The following CFAP92 variants were observed in gnomAD, a reference collection of about 807,000 sequenced individuals.
The protein encoded by CFAP92 is uncharacterized protein CFAP92.
A neutral mutation model predicts 106.3 loss-of-function variants in CFAP92; 86 were observed. The observed-to-expected ratio is 0.81, with a 90% confidence interval of 0.68 to 0.97. The LOEUF (loss-of-function observed/expected upper bound fraction) is 0.97. Among genes scored for constraint, CFAP92 ranks in the 50% least tolerant of loss-of-function variants. The pLI, the probability that CFAP92 is intolerant of heterozygous loss-of-function variation, is 0.00. For synonymous variants in CFAP92, 477 were observed against 506.4 expected, an observed-to-expected ratio of 0.94 and a Z score of 0.78; for missense variants, 1,204 against 1,283.8, an observed-to-expected ratio of 0.94 and a Z score of 0.95.
intron 1 of CFAP92, among the ~76,000 whole-genome samples, chr3:128,999,822 C>T (rs1021167717): frequency 7.9e-5 from 12 of 152,080 alleles, no homozygotes; most frequent in Admixed American, 5.9e-4. Context: ...GGATTACAGG[C>T]GTGAGCCACC....
chr3:128,998,391 T>C (rs1944561512), upstream of CFAP92, among the ~76,000 whole-genome samples: 1 of 152,178 alleles, frequency 6.6e-6, no homozygotes, highest in African/African-American at 2.4e-5. Flanking sequence ...CTATTTTTAA[T>C]AGAAGTAAAG....
the CFAP92 span, among the ~76,000 whole-genome samples, chr3:129,008,498 G>C: frequency 1.3e-5 from 2 of 152,244 alleles, no homozygotes; most frequent in Non-Finnish European, 1.5e-5. Context: ...CCACCATCTT[G>C]ACCAGCAGCC....
chr3:128,932,730 C>A lies in CFAP92; in HGVS notation c.2721G>T (p.Lys907Asn). ...YLQWRSAMLMKNKDKKHSFIQ... is the reference protein window; with the variant it reads ...YLQWRSAMLMNNKDKKHSFIQ... ...TGAAACTGTGCTTTTTGTCTTTGTT[C>A]TTCATAAGCATGGCACTCCGCCACT... The change falls in exon 12 of 16, where the codon AAG becomes AAT. Residue 907 changes from lysine to asparagine, a missense_variant. By Grantham distance (94) the Lys-to-Asn change is moderately conservative. Coordinates refer to ENST00000645291, the MANE Select transcript of CFAP92 (RefSeq NM_001394090.1). 6.5e-7 allele frequency: 1 copy of A among 1,534,172 alleles called. No homozygotes were observed. Among genetic ancestry groups the A allele is most frequent in the South Asian group, 1.2e-5 (1 of 83,930 alleles).
intron 8 of CFAP92, chr3:128,966,783 G>C (rs1180452092): frequency 6.6e-6 from 1 of 152,132 alleles, no homozygotes; most frequent in Non-Finnish European, 1.5e-5. Flanking sequence ...TGTTAGCCAG[G>C]CTGTTCTCGA....
chr3:128,961,143 A>C (rs962491222), intron 9 of CFAP92, among the ~76,000 whole-genome samples: 2 of 152,226 alleles, frequency 1.3e-5, no homozygotes, highest in Non-Finnish European at 2.9e-5. Flanking sequence ...AGTTCCAAAT[A>C]GCCAGAAAAT....
At position 128,910,101 on chromosome 3, in the gene CFAP92, G is replaced by A. The variant is rs771433168; in HGVS notation, c.*198C>T. 9 of 1,613,696 alleles carry A rather than the reference G, an allele frequency of 5.6e-6. No homozygotes were observed. The highest frequency in any genetic ancestry group is 1.7e-5 in the Admixed American group (1 of 60,004). On this transcript the variant is annotated 3_prime_UTR_variant, in exon 16 of 16. Coordinates refer to ENST00000645291, the MANE Select transcript of CFAP92 (RefSeq NM_001394090.1). Reference sequence around the variant, plus strand: ...TGTATGGCATGACGGCCGTGCTGTCGCGGGCCAGCCGCTCCATCCGCATTG... The same window carrying A: ...TGTATGGCATGACGGCCGTGCTGTCACGGGCCAGCCGCTCCATCCGCATTG...
At chr3:128,944,345 C>A (rs1434440073) in intron 10 of CFAP92, among the ~76,000 whole-genome samples, 1 of 152,118 alleles carries the variant, frequency 6.6e-6, no homozygotes, top group African/African-American at 2.4e-5. Context: ...ACAAGGCCAG[C>A]TTCTCCCGGT....
At position 128,916,216 on chromosome 3, in the gene CFAP92, T is replaced by C. The variant is rs1441505990; in HGVS notation, c.2807A>G (p.Lys936Arg). 1 of 1,231,998 alleles carries C rather than the reference T, an allele frequency of 8.1e-7. No homozygotes were observed. Among genetic ancestry groups the C allele is most frequent in the Admixed American group, 4.2e-5 (1 of 23,682 alleles). 76.3% of individuals were successfully genotyped at this position (1,231,998 alleles called of 1,614,324 possible). A position where few individuals can be genotyped will look rare whatever the true frequency, so the allele number is the denominator to read the frequency against. Reference sequence around the variant, plus strand: ...GGCAGGGGCTGAAATTTTAATCACCTTCGCCACGGACTTCGGAGGCTTCTT... The same window carrying C: ...GGCAGGGGCTGAAATTTTAATCACCCTCGCCACGGACTTCGGAGGCTTCTT... ...VSKKPPKSVA[K>R]VIKISAPANK... Residue 936 changes from lysine (K) to arginine (R), a missense_variant, in exon 13 of 16, where the codon AAG (lysine) becomes AGG (arginine). Transcript: ENST00000645291.
chr3:129,002,047 T>G, intron 1 of CFAP92: 10 of 1,542,730 alleles, frequency 6.5e-6, no homozygotes, highest in Non-Finnish European at 7.9e-6. Flanking sequence ...CCGCCGGAGC[T>G]CACCTTCCGC....
At chr3:129,010,192 C>G in the CFAP92 span, among the ~76,000 whole-genome samples, 2 of 152,254 alleles carry the variant, frequency 1.3e-5, no homozygotes, top group African/African-American at 2.4e-5. This position sits in a 1 kb window ranked among gnomAD's most constrained non-coding sequence, Gnocchi z 4.3. Context: ...GGTCCCCCTT[C>G]AGTCCTCAGT....
chr3:128,935,196 C>T lies in CFAP92; in HGVS notation c.2382G>A (p.Glu794=). The T allele has an allele frequency of 1.3e-6, 2 of 1,536,120 alleles. No individual in the cohort carries two copies. Among genetic ancestry groups the T allele is most frequent in the Non-Finnish European group, 1.7e-6 (2 of 1,146,856 alleles). The change falls in exon 11 of 16, where the codon GAG becomes GAA. Residue 794 remains glutamate (E), a synonymous_variant. Transcript: ENST00000645291. ...AGAACACCGCCTGCTGCAGCAGCAG[C>T]TCCGTGGGCTGGAAGAGGTGCACGT... ...LYHVHLFQPT[E]LLLQQAVFFL...
At chr3:129,017,850 C>T in the CFAP92 span, among the ~76,000 whole-genome samples, 1 of 152,116 alleles carries the variant, frequency 6.6e-6, no homozygotes, top group African/African-American at 2.4e-5. Context: ...GGGGCCCATT[C>T]CTAGACATTC....
the CFAP92 span, among the ~76,000 whole-genome samples, chr3:129,009,170 CCT>C: frequency 6.6e-6 from 1 of 152,196 alleles, no homozygotes; most frequent in Non-Finnish European, 1.5e-5. Flanking sequence ...TTTCTTCTCT[CCT>C]CTGTTTTCTC....
At chr3:128,928,296 T>A (rs1337108674) in intron 12 of CFAP92, among the ~76,000 whole-genome samples, 3 of 152,136 alleles carry the variant, frequency 2.0e-5, no homozygotes, top group Admixed American at 2.0e-4. Flanking sequence ...TCCTATAGAA[T>A]TTGTTGCAGA....
intron 8 of CFAP92, chr3:128,966,541 G>C (rs1942374853): frequency 6.6e-6 from 1 of 152,056 alleles, no homozygotes; most frequent in Admixed American, 6.6e-5. Context: ...CATATAGGTA[G>C]CTGTCAGAGC....
intron 15 of CFAP92, chr3:128,912,435 C>A: frequency 7.2e-7 from 1 of 1,397,114 alleles, no homozygotes; most frequent in Non-Finnish European, 1.0e-6. Context: ...TGGAAAAATG[C>A]CCCCACTTCA....
At chr3:129,021,824 A>G in the CFAP92 span, among the ~76,000 whole-genome samples, 1 of 152,214 alleles carries the variant, frequency 6.6e-6, no homozygotes, top group Non-Finnish European at 1.5e-5. Context: ...ATTGAAATGT[A>G]TATCATAAAA....
intron 9 of CFAP92, among the ~76,000 whole-genome samples, chr3:128,964,441 C>A (rs1374792122): frequency 6.6e-6 from 1 of 152,232 alleles, no homozygotes; most frequent in African/African-American, 2.4e-5. Context: ...CCGTTCTCAA[C>A]TACTCATACG....
In CFAP92 at chr3:128,945,518, T is replaced by C. The variant is rs1162404493; in HGVS notation, c.1811A>G (p.Lys604Arg). The change falls in exon 10 of 16, where the codon AAG (lysine) becomes AGG (arginine). Residue 604 changes from lysine to arginine, a missense_variant. Physicochemically the swap from Lys to Arg is conservative, Grantham distance 26. Coordinates refer to ENST00000645291, the MANE Select transcript of CFAP92 (RefSeq NM_001394090.1). ...THCGQDSRRR[K>R]VVGLGVPRDG... ...TCTGGGGACCCCAAGCCCCACAACC[T>C]TCCTTCTCCTGCTGTCCTGGCCGCA... 5 of 1,536,002 alleles carry C rather than the reference T, an allele frequency of 3.3e-6. No individual in the cohort carries two copies. The highest frequency in any genetic ancestry group is 8.7e-7 in the Non-Finnish European group (1 of 1,146,908).
Sources: allele counts gnomAD v4.1 joint callset (sites outside exome capture counted in the v4.1 genomes callset), GRCh38; gene constraint gnomAD v4.1.1; non-coding constraint Gnocchi (gnomAD v3.1); transcripts MANE v1.5; gene names NCBI Gene and HGNC (gene_info 2026-07-23, HGNC 2026-07-21).